IGFL2: variants seen among roughly 807,000 people sequenced by gnomAD.
IGFL2 encodes insulin growth factor-like family member 2.
Under a neutral mutation model 13.9 loss-of-function variants are expected in IGFL2, and 7 were observed. That is an observed-to-expected ratio of 0.51 (90% CI 0.29 to 0.95). The LOEUF is 0.95. Among genes scored for constraint, IGFL2 ranks in the 40% least tolerant of loss-of-function variants. The probability of loss-of-function intolerance (pLI) is 0.08; values close to 1 mark genes in which losing one functional copy is unlikely to be tolerated. For missense variants in IGFL2, 138 were observed against 147.8 expected (o/e 0.93, Z 0.34); for synonymous variants, 55 against 55.8 (o/e 0.99, Z 0.07).
the IGFL2 span, among the ~76,000 whole-genome samples, chr19:46,096,328 T>G: frequency 5.9e-5 from 9 of 152,082 alleles, no homozygotes; most frequent in Non-Finnish European, 1.3e-4. Flanking sequence ...GCTTGTCTGT[T>G]GTTGGTGTAT....
rs538744212 is a variant in IGFL2, at chr19:46,155,983, T to A, written c.20-4432T>A. ...TGTCATTTTCATTTTCTGGTAATTTTTAAAAAAAATATGTATAGAGTCAGG... is the reference window on the plus strand; with the variant it reads ...TGTCATTTTCATTTTCTGGTAATTTATAAAAAAAATATGTATAGAGTCAGG... On this transcript the variant is annotated intron_variant, in intron 1 of 3. Coordinates refer to ENST00000377693, the MANE Select transcript of IGFL2 (RefSeq NM_001135113.2). Among the ~76,000 whole-genome samples the A allele has an allele frequency of 1.1e-3, 161 of 152,272 alleles. 1 individual carries two copies. Among genetic ancestry groups the A allele is most frequent in the African/African-American group, 3.5e-3 (145 of 41,546 alleles).
the IGFL2 span, chr19:46,137,498 C>T: frequency 5.0e-4 from 571 of 1,147,358 alleles, no homozygotes; most frequent in Admixed American, 7.2e-4. Flanking sequence ...GCCCCTTCTC[C>T]TTCTCTTGCC....
the IGFL2 span, among the ~76,000 whole-genome samples, chr19:46,130,978 T>C: frequency 6.6e-6 from 1 of 152,202 alleles, no homozygotes; most frequent in Non-Finnish European, 1.5e-5. Flanking sequence ...TTTCCACTTT[T>C]TGGCTTCCGC....
At chr19:46,152,732 T>C (rs1387544570) in intron 1 of IGFL2, among the ~76,000 whole-genome samples, 1 of 152,254 alleles carries the variant, frequency 6.6e-6, no homozygotes, top group Non-Finnish European at 1.5e-5. Flanking sequence ...TAAGAGTGGA[T>C]ATACTTGTCT....
chr19:46,180,399 G>A, the IGFL2 span, among the ~76,000 whole-genome samples: 3 of 152,082 alleles, frequency 2.0e-5, no homozygotes, highest in South Asian at 2.1e-4. Flanking sequence ...GGCTGGTCTC[G>A]AACTCCTGAC....
chr19:46,085,137 A>G, the IGFL2 span, among the ~76,000 whole-genome samples: 2 of 152,242 alleles, frequency 1.3e-5, no homozygotes, highest in Non-Finnish European at 2.9e-5. Context: ...GAAACCCAGC[A>G]GGGCAGTCAT....
chr19:46,194,852 ATTTTTTTTTT>A, the IGFL2 span, among the ~76,000 whole-genome samples: 48 of 31,580 alleles, frequency 1.5e-3, no homozygotes, highest in Non-Finnish European at 1.9e-3. Context: ...ATATATATAT[ATTTTTTTTTT>A]TTTTTTTTTT....
At chr19:46,145,578 A>AATTAAGGAC (rs1568420938), upstream of IGFL2, among the ~76,000 whole-genome samples, 2 of 150,452 alleles carry the variant, frequency 1.3e-5, no homozygotes, top group Non-Finnish European at 2.9e-5. Context: ...ACTGGTAGAG[A>AATTAAGGAC]ATTAAGGACA....
the IGFL2 span, among the ~76,000 whole-genome samples, chr19:46,183,941 A>G: frequency 6.6e-6 from 1 of 152,162 alleles, no homozygotes; most frequent in Non-Finnish European, 1.5e-5. Flanking sequence ...CTAGGTTTTC[A>G]GCATTTTTTC....
At chr19:46,121,702 T>C in the IGFL2 span, among the ~76,000 whole-genome samples, 1 of 150,844 alleles carries the variant, frequency 6.6e-6, no homozygotes, top group Non-Finnish European at 1.5e-5. Context: ...AAGGCAGATT[T>C]TTTAGAAAAT....
chr19:46,113,508 G>T, the IGFL2 span: 1 of 347,218 alleles, frequency 2.9e-6, no homozygotes, highest in Non-Finnish European at 5.9e-6. Flanking sequence ...AGAAATCCAA[G>T]ATTTATCTTT....
the IGFL2 span, among the ~76,000 whole-genome samples, chr19:46,137,755 A>T: frequency 6.6e-6 from 1 of 152,194 alleles, no homozygotes; most frequent in African/African-American, 2.4e-5. Context: ...GACTGAGTTG[A>T]TTCAAAGAAC....
chr19:46,144,113 A>G (rs138596399), upstream of IGFL2, among the ~76,000 whole-genome samples: 3 of 152,360 alleles, frequency 2.0e-5, no homozygotes, highest in Admixed American at 6.5e-5. Context: ...TTTGCAAAAC[A>G]TAAGTCTCTT....
the IGFL2 span, chr19:46,123,894 G>T: frequency 1.2e-6 from 2 of 1,610,226 alleles, no homozygotes; most frequent in Non-Finnish European, 1.7e-6. Context: ...ACCTGGTACA[G>T]CTCCGGGAGA....
the IGFL2 span, among the ~76,000 whole-genome samples, chr19:46,119,462 C>T: frequency 2.6e-5 from 4 of 152,268 alleles, no homozygotes; most frequent in African/African-American, 9.6e-5. Context: ...AAGAATCAGC[C>T]CCTAGAACCT....
At chr19:46,211,838 T>C in the IGFL2 span, among the ~76,000 whole-genome samples, 1 of 152,110 alleles carries the variant, frequency 6.6e-6, no homozygotes, top group African/African-American at 2.4e-5. Flanking sequence ...CGGGCCAGGC[T>C]GGCAGATTTT....
chr19:46,165,944 T>C (rs1296770848), downstream of IGFL2, among the ~76,000 whole-genome samples: 1 of 152,206 alleles, frequency 6.6e-6, no homozygotes, highest in Non-Finnish European at 1.5e-5. Context: ...TTGGGGAGGC[T>C]GACATGTGGA....
At chr19:46,202,842 G>C in the IGFL2 span, 1 of 152,254 alleles carries the variant, frequency 6.6e-6, no homozygotes, top group South Asian at 2.1e-4. Context: ...CTACTTACCC[G>C]ATTTAAAATT....
chr19:46,116,042 G>A, the IGFL2 span, among the ~76,000 whole-genome samples: 1 of 151,984 alleles, frequency 6.6e-6, no homozygotes, highest in East Asian at 1.9e-4. Flanking sequence ...GTTATAAGTG[G>A]GACTGTTAAT....
Sources: gnomAD v4.1 joint callset for allele counts (sites outside exome capture counted in the v4.1 genomes callset) on GRCh38, gnomAD v4.1.1 for gene constraint, MANE v1.5 for transcripts, NCBI Gene and HGNC (gene_info 2026-07-23, HGNC 2026-07-21) for gene names.